RBFOX1: variants seen among roughly 807,000 people sequenced by gnomAD.
The protein encoded by RBFOX1 is RNA binding fox-1 homolog 1.
RBFOX1 carries 8 observed loss-of-function variants against 57.7 expected under a neutral mutation model. The ratio of observed to expected loss-of-function variants is 0.14; its 90% confidence interval spans 0.08 to 0.25. RBFOX1 has a LOEUF of 0.25. Among genes scored for constraint, RBFOX1 ranks in the 10% least tolerant of loss-of-function variants. RBFOX1 has a pLI of 1.00. For synonymous variants in RBFOX1, 326 were observed against 222.4 expected (o/e 1.47, Z -4.15); for missense variants, 611 against 548.5 (o/e 1.11, Z -1.14).
intron 1 of RBFOX1, among the ~76,000 whole-genome samples, chr16:5,427,877 T>C (rs886768243): frequency 3.3e-5 from 5 of 152,202 alleles, no homozygotes; most frequent in Admixed American, 6.5e-5. Flanking sequence ...GAATACTGTG[T>C]GACCATCTAT....
chr16:6,543,484 G>A (rs1341776059), intron 2 of RBFOX1, among the ~76,000 whole-genome samples: 2 of 152,080 alleles, frequency 1.3e-5, no homozygotes, highest in African/African-American at 4.8e-5. Context: ...CTCAGTTTGG[G>A]AACCCACTTG....
intron 3 of RBFOX1, among the ~76,000 whole-genome samples, chr16:5,804,665 G>T (rs531123288): frequency 3.4e-4 from 52 of 152,248 alleles, no homozygotes; most frequent in African/African-American, 1.0e-3. Flanking sequence ...TCTGCCCATT[G>T]TGAAAGCCTG....
intron 2 of RBFOX1, among the ~76,000 whole-genome samples, chr16:6,652,960 CA>C (rs1568057086): frequency 6.6e-6 from 1 of 152,168 alleles, no homozygotes; most frequent in African/African-American, 2.4e-5. Context: ...TCACTGATCT[CA>C]AAATAAAGTA....
At chr16:7,066,448 A>C (rs1023530486) in intron 4 of RBFOX1, among the ~76,000 whole-genome samples, 4 of 152,134 alleles carry the variant, frequency 2.6e-5, no homozygotes, top group Non-Finnish European at 1.5e-5. Context: ...TTGAGGCCCA[A>C]CCTTTGTAGG....
At chr16:6,854,587 ATTTTTTTTTT>A (rs71147611) in intron 3 of RBFOX1, among the ~76,000 whole-genome samples, 1 of 70,650 alleles carries the variant, frequency 1.4e-5, no homozygotes, top group Non-Finnish European at 2.6e-5. Flanking sequence ...GGAGAGGTGA[ATTTTTTTTTT>A]TTTTTTTTTT....
chr16:5,740,136 G>A lies in RBFOX1; in HGVS notation c.319-127167G>A, dbSNP rs72766906. Among the ~76,000 whole-genome samples, 1,459 of 152,342 alleles carry A rather than the reference G, an allele frequency of 9.6e-3. 11 individuals are homozygous for A. The highest frequency in any genetic ancestry group is 0.016 in the Non-Finnish European group (1,120 of 68,028). Reference sequence around the variant, plus strand: ...AGGGCAGAGCGGCCACTGGGAGCTAGATGTGGAGGAAGTAAACACACGGGG... The same window carrying A: ...AGGGCAGAGCGGCCACTGGGAGCTAAATGTGGAGGAAGTAAACACACGGGG... On this transcript the variant is annotated intron_variant, in intron 3 of 19. Transcript: ENST00000641259.
At chr16:5,819,810 C>G (rs1034744411) in intron 3 of RBFOX1, among the ~76,000 whole-genome samples, 1 of 152,222 alleles carries the variant, frequency 6.6e-6, no homozygotes, top group Admixed American at 6.5e-5. Flanking sequence ...CTAGATCATG[C>G]CCTAGGCAGG....
intron 3 of RBFOX1, among the ~76,000 whole-genome samples, chr16:6,960,352 A>C (rs971062713): frequency 1.3e-5 from 2 of 152,178 alleles, no homozygotes; most frequent in Non-Finnish European, 2.9e-5. Context: ...CATATAGCTT[A>C]GAAGCTGTAT....
At chr16:5,248,859 A>G (rs1221274899) in intron 1 of RBFOX1, among the ~76,000 whole-genome samples, 1 of 151,960 alleles carries the variant, frequency 6.6e-6, no homozygotes, top group African/African-American at 2.4e-5. Context: ...CGATGTGTGG[A>G]CACCTATAAT....
At chr16:7,069,918 G>A (rs781316097) in intron 4 of RBFOX1, among the ~76,000 whole-genome samples, 2 of 152,156 alleles carry the variant, frequency 1.3e-5, no homozygotes, top group African/African-American at 2.4e-5. Context: ...CAGGGAAACG[G>A]AAACTAAAAT....
At chr16:5,617,306 G>GACTAGC (rs570171126) in intron 3 of RBFOX1, among the ~76,000 whole-genome samples, 8 of 152,242 alleles carry the variant, frequency 5.3e-5, no homozygotes, top group Admixed American at 4.6e-4. Flanking sequence ...CTGCCCTTCG[G>GACTAGC]ACTAGCCTGT....
At chr16:6,930,070 G>T (rs75412057) in intron 3 of RBFOX1, among the ~76,000 whole-genome samples, 1 of 152,154 alleles carries the variant, frequency 6.6e-6, no homozygotes, top group Admixed American at 6.5e-5. Context: ...AACCAGCCCT[G>T]CTGGTTATGC....
At chr16:5,573,663 T>C (rs867493387) in intron 2 of RBFOX1, among the ~76,000 whole-genome samples, 1 of 152,106 alleles carries the variant, frequency 6.6e-6, no homozygotes, top group Non-Finnish European at 1.5e-5. Flanking sequence ...CCAAGGCTCC[T>C]CTCTAAGAAA....
intron 3 of RBFOX1, among the ~76,000 whole-genome samples, chr16:5,748,120 A>C (rs1328326235): frequency 6.6e-6 from 1 of 152,070 alleles, no homozygotes; most frequent in Non-Finnish European, 1.5e-5. Flanking sequence ...TTCTGCCTTC[A>C]TTTCGTTATG....
intron 3 of RBFOX1, among the ~76,000 whole-genome samples, chr16:6,971,343 C>G (rs567838856): frequency 6.6e-6 from 1 of 152,114 alleles, no homozygotes; most frequent in East Asian, 1.9e-4. Flanking sequence ...GAAGAGCAAT[C>G]CAGGCAGCAG....
intron 9 of RBFOX1, among the ~76,000 whole-genome samples, chr16:7,597,663 C>G (rs762776273): frequency 2.6e-5 from 4 of 152,172 alleles, no homozygotes; most frequent in Non-Finnish European, 4.4e-5. Context: ...TCTAGAATAA[C>G]TCTGTTTGGG....
rs1567239254 is a variant in RBFOX1 at position 5,999,904 on chromosome 16, AAAAGAGTG to A, written c.351+132572_351+132579del. ...AAAAAAAAAAAAAAAAAAAAAAAAA[AAAAGAGTG>A]AAGAAGGGAAATCAGACAAGGAAAG... is the stretch of plus-strand genomic sequence containing the variant. On this transcript the variant is annotated intron_variant, in intron 4 of 19. Coordinates refer to the RBFOX1 transcript ENST00000641259. 2.8e-4 allele frequency among the ~76,000 whole-genome samples: 10 copies of A among 36,132 alleles called. 2 individuals carry two copies. The highest frequency in any genetic ancestry group is 1.6e-3 in the East Asian group (3 of 1,864). 23.7% of individuals were successfully genotyped at this position (36,132 alleles called of 152,430 possible).
intron 4 of RBFOX1, among the ~76,000 whole-genome samples, chr16:7,387,499 G>C (rs771847015): frequency 1.3e-5 from 2 of 152,140 alleles, no homozygotes; most frequent in African/African-American, 4.8e-5. Context: ...ATCTCCCTGG[G>C]TCTCGTTTCT....
intron 1 of RBFOX1, among the ~76,000 whole-genome samples, chr16:5,460,997 A>T (rs149980795): frequency 6.6e-6 from 1 of 152,104 alleles, no homozygotes; most frequent in African/African-American, 2.4e-5. Flanking sequence ...ACGGATGACA[A>T]GGAAAGGAAT....
Sources: allele counts gnomAD v4.1 joint callset (sites outside exome capture counted in the v4.1 genomes callset), GRCh38; gene constraint gnomAD v4.1.1; transcripts MANE v1.5; gene names NCBI Gene and HGNC (gene_info 2026-07-23, HGNC 2026-07-21).